Variants in MDGA2 observed in about 807,000 individuals in gnomAD.
MDGA2 encodes MAM domain containing glycosylphosphatidylinositol anchor 2.
MDGA2 carries 40 observed loss-of-function variants against 117.8 expected under a neutral mutation model. The ratio of observed to expected loss-of-function variants is 0.34; its 90% confidence interval spans 0.26 to 0.44. The LOEUF is 0.44. Ranked by LOEUF, MDGA2 falls within the 20% of genes least tolerant of loss-of-function variation. The pLI is 1.00. For missense variants in MDGA2, 1,123 were observed against 1,250.6 expected (o/e 0.90, Z 1.54); for synonymous variants, 452 against 439.0 (o/e 1.03, Z -0.37).
At chr14:46,974,530 T>C (rs976243707) in intron 8 of MDGA2, among the ~76,000 whole-genome samples, 1 of 152,066 alleles carries the variant, frequency 6.6e-6, no homozygotes, top group Non-Finnish European at 1.5e-5. Context: ...AAAATAGACA[T>C]ATAGATCAAT....
At chr14:46,853,352 GGAGAA>G (rs1264036262) in intron 15 of MDGA2, among the ~76,000 whole-genome samples, 4 of 151,142 alleles carry the variant, frequency 2.6e-5, no homozygotes, top group African/African-American at 9.8e-5. Flanking sequence ...AATCTTCGAA[GGAGAA>G]GAGGAGAAAA....
rs543102179 is a variant in MDGA2, at chr14:47,175,876, G to A, written c.596-31602C>T. Among the ~76,000 whole-genome samples the A allele has an allele frequency of 1.1e-4, 17 of 151,908 alleles. 1 individual carries two copies. In the East Asian group the frequency reaches 1.5e-3, roughly 14 times the overall value. ...AGTCAAATTGTCCCTGTTTGCAGAC[G>A]ACATGATTGTATATCTAGAAAACCC... is the stretch of plus-strand genomic sequence containing the variant. On this transcript the variant is annotated intron_variant, in intron 3 of 16. Coordinates refer to ENST00000399232, the MANE Select transcript of MDGA2 (RefSeq NM_001113498.3).
chr14:47,403,959 T>C (rs1344747072), intron 1 of MDGA2, among the ~76,000 whole-genome samples: 1 of 152,014 alleles, frequency 6.6e-6, no homozygotes, highest in African/African-American at 2.4e-5. Context: ...GAACATACCC[T>C]TGTCTCACCA....
intron 5 of MDGA2, among the ~76,000 whole-genome samples, chr14:47,116,112 T>G (rs1444761212): frequency 6.6e-6 from 1 of 152,066 alleles, no homozygotes. Flanking sequence ...CTGTTTGTAC[T>G]ATTAACAACA....
chr14:47,424,071 C>G (rs1892635592), intron 1 of MDGA2, among the ~76,000 whole-genome samples: 1 of 152,108 alleles, frequency 6.6e-6, no homozygotes, highest in African/African-American at 2.4e-5. Flanking sequence ...CCTCGGCCTC[C>G]CAAAGTGCTA....
At chr14:47,055,747 G>T (rs145052486) in intron 7 of MDGA2, among the ~76,000 whole-genome samples, 5 of 152,200 alleles carry the variant, frequency 3.3e-5, no homozygotes, top group African/African-American at 7.2e-5. Flanking sequence ...TGTAAATAAA[G>T]TATTATTGGA....
At chr14:46,892,473 A>C (rs1882921274) in intron 10 of MDGA2, among the ~76,000 whole-genome samples, 1 of 152,000 alleles carries the variant, frequency 6.6e-6, no homozygotes, top group Non-Finnish European at 1.5e-5. Context: ...TTTAACCAAA[A>C]GCATAAGCAG....
At chr14:47,252,317 C>T (rs1887474367) in intron 2 of MDGA2, among the ~76,000 whole-genome samples, 1 of 152,070 alleles carries the variant, frequency 6.6e-6, no homozygotes, top group African/African-American at 2.4e-5. Flanking sequence ...AGGCAAACCA[C>T]TTTCAGAACA....
intron 6 of MDGA2, among the ~76,000 whole-genome samples, chr14:47,089,327 C>G (rs757086928): frequency 3.9e-5 from 6 of 152,000 alleles, no homozygotes; most frequent in Non-Finnish European, 8.8e-5. Context: ...TTAAATAAAG[C>G]TTGCTTTTGG....
rs202214939 is a variant in MDGA2, at chr14:47,125,570, GAAAA to G, written c.925+6140_925+6143del. 3.5e-3 allele frequency among the ~76,000 whole-genome samples: 499 copies of G among 144,554 alleles called. 18 individuals are homozygous for G. In the East Asian group the frequency reaches 0.087, roughly 25 times the overall value. 94.8% of individuals were successfully genotyped at this position (144,554 alleles called of 152,430 possible). On this transcript the variant is annotated intron_variant, in intron 5 of 16. Transcript: ENST00000399232. ...CCATGAAAATTTATTGAGACAAAAA[GAAAA>G]AAAAAGAGTAGAAGAGAAAGGAAAA... is the stretch of plus-strand genomic sequence containing the variant.
intron 1 of MDGA2, among the ~76,000 whole-genome samples, chr14:47,565,718 G>A (rs1303635828): frequency 1.3e-5 from 2 of 152,162 alleles, no homozygotes; most frequent in African/African-American, 4.8e-5. Context: ...GTTGTTGGCA[G>A]TGGTGGCATA....
intron 1 of MDGA2, among the ~76,000 whole-genome samples, chr14:47,455,786 T>A (rs1454827407): frequency 2.0e-5 from 3 of 151,586 alleles, no homozygotes; most frequent in Non-Finnish European, 4.4e-5. Flanking sequence ...CACCTGAGGT[T>A]AGGAGTTCAA....
At chr14:46,961,743 C>T (rs976276740) in intron 8 of MDGA2, among the ~76,000 whole-genome samples, 4 of 151,624 alleles carry the variant, frequency 2.6e-5, no homozygotes, top group East Asian at 1.9e-4. Flanking sequence ...CTCAGGTTCA[C>T]GCCATTCTCC....
chr14:47,358,087 G>C (rs778002413), intron 1 of MDGA2, among the ~76,000 whole-genome samples: 1 of 152,124 alleles, frequency 6.6e-6, no homozygotes, highest in Non-Finnish European at 1.5e-5. Flanking sequence ...AAAACCAGTT[G>C]GATCCATACA....
At position 46,999,607 on chromosome 14, in the gene MDGA2, A is replaced by C. The variant is rs576214583; in HGVS notation, c.1819+35404T>G. 1.5e-4 allele frequency among the ~76,000 whole-genome samples: 23 copies of C among 152,276 alleles called. 1 individual carries two copies. The highest frequency in any genetic ancestry group is 5.5e-4 in the African/African-American group (23 of 41,596). On this transcript the variant is annotated intron_variant, in intron 8 of 16. Transcript: ENST00000399232. ...CTGTCATAAGTATAACTGAATAAAC[A>C]TGAATCCATCATTATTTAAATATTT...
At chr14:47,292,237 C>T (rs1157631698) in intron 2 of MDGA2, among the ~76,000 whole-genome samples, 2 of 152,158 alleles carry the variant, frequency 1.3e-5, no homozygotes, top group Admixed American at 1.3e-4. Context: ...TGAAGTTTCT[C>T]CTGAGAAGCA....
At position 47,155,888 on chromosome 14, in the gene MDGA2, C is replaced by CTTTTTTTTTTTTTTTTTTT. The variant is rs55827732; in HGVS notation, c.596-11633_596-11615dup. Among the ~76,000 whole-genome samples, 30 of 40,176 alleles carry CTTTTTTTTTTTTTTTTTTT rather than the reference C, an allele frequency of 7.5e-4. 5 individuals are homozygous for CTTTTTTTTTTTTTTTTTTT. Among genetic ancestry groups the CTTTTTTTTTTTTTTTTTTT allele is most frequent in the Admixed American group, 1.3e-3 (3 of 2,322 alleles). The allele number at this position is 40,176 out of a possible 152,430, so 26.4% of individuals were successfully genotyped here. Reference sequence around the variant, plus strand: ...ATTCTTTTCTTTTCTTCTTCTTCTTCTTTTTTTTTTTTTTTTTTTTTTTTT... The same window carrying CTTTTTTTTTTTTTTTTTTT: ...ATTCTTTTCTTTTCTTCTTCTTCTTCTTTTTTTTTTTTTTTTTTTTTTTTTTTTTTTTTTTTTTTTTTTT... On this transcript the variant is annotated intron_variant, in intron 3 of 16. Transcript: ENST00000399232.
At chr14:47,498,549 A>G (rs1044931415) in intron 1 of MDGA2, among the ~76,000 whole-genome samples, 1 of 152,192 alleles carries the variant, frequency 6.6e-6, no homozygotes, top group African/African-American at 2.4e-5. Flanking sequence ...TTATAGGTAC[A>G]AGAGAAATCA....
chr14:46,998,261 T>C (rs1198033972), intron 8 of MDGA2, among the ~76,000 whole-genome samples: 2 of 151,966 alleles, frequency 1.3e-5, no homozygotes, highest in Admixed American at 6.6e-5. Flanking sequence ...CTGGGCAACA[T>C]GGTGAGATCC....
Sources: allele counts gnomAD v4.1 joint callset (sites outside exome capture counted in the v4.1 genomes callset), GRCh38; gene constraint gnomAD v4.1.1; transcripts MANE v1.5; gene names NCBI Gene and HGNC (gene_info 2026-07-23, HGNC 2026-07-21).